SESN1: variants seen among roughly 807,000 people sequenced by gnomAD.
SESN1 encodes the protein sestrin 1, also known as sestrin-1.
Under a neutral mutation model 59.3 loss-of-function variants are expected in SESN1, and 30 were observed. The observed-to-expected ratio is 0.51, with a 90% CI of 0.38 to 0.69. The LOEUF (loss-of-function observed/expected upper bound fraction) is 0.69. Among genes scored for constraint, SESN1 ranks in the 30% least tolerant of loss-of-function variants. The probability of loss-of-function intolerance (pLI) is 0.00; values close to 1 mark genes in which losing one functional copy is unlikely to be tolerated. For missense variants in SESN1, 566 were observed against 673.0 expected (o/e 0.84, Z 1.76); for synonymous variants, 197 against 219.9 (o/e 0.90, Z 0.92).
At chr6:109,052,833 C>T (rs1027573244) in intron 1 of SESN1, among the ~76,000 whole-genome samples, 8 of 152,130 alleles carry the variant, frequency 5.3e-5, no homozygotes, top group African/African-American at 1.7e-4. Context: ...CTACACTCGA[C>T]AAATATTTAT....
At chr6:109,005,246 A>T (rs905740861) in intron 1 of SESN1, among the ~76,000 whole-genome samples, 1 of 152,220 alleles carries the variant, frequency 6.6e-6, no homozygotes. Context: ...TTTAGAAAAA[A>T]TGAAGCACTT....
At chr6:109,047,944 G>C (rs1780479193) in intron 1 of SESN1, among the ~76,000 whole-genome samples, 1 of 146,600 alleles carries the variant, frequency 6.8e-6, no homozygotes, top group Admixed American at 6.7e-5. Flanking sequence ...AGTACCCAGG[G>C]ACACAAACAC....
At chr6:108,989,910 G>A (rs1465112471) in intron 8 of SESN1, among the ~76,000 whole-genome samples, 1 of 152,174 alleles carries the variant, frequency 6.6e-6, no homozygotes, top group Non-Finnish European at 1.5e-5. Context: ...TACCACCATT[G>A]AGGAGGCTAA....
chr6:109,037,057 T>C (rs1780260813), intron 1 of SESN1, among the ~76,000 whole-genome samples: 1 of 152,188 alleles, frequency 6.6e-6, no homozygotes, highest in Non-Finnish European at 1.5e-5. Context: ...AAAATATAGC[T>C]GTTATATTCC....
intron 1 of SESN1, among the ~76,000 whole-genome samples, chr6:109,012,244 C>CTT (rs1050059466): frequency 3.6e-5 from 5 of 138,936 alleles, no homozygotes; most frequent in Non-Finnish European, 6.3e-5. Context: ...TTTGATATTT[C>CTT]TTTTTTTTTT....
intron 1 of SESN1, among the ~76,000 whole-genome samples, chr6:109,048,902 G>C (rs972581406): frequency 9.2e-5 from 14 of 152,162 alleles, no homozygotes. Flanking sequence ...GCTATAAAAA[G>C]TGACGGGATG....
rs144716308 is a variant in SESN1 at position 109,048,367 on chromosome 6, A to G, written c.279+45428T>C. On this transcript the variant is annotated intron_variant, in intron 1 of 9. Transcript: ENST00000436639. ...GTTTACTTGTCTTGAGATCTGCACC[A>G]CAGTATTGCACCGTGGGTTTAGTTA... Among the ~76,000 whole-genome samples the G allele has an allele frequency of 1.1e-3, 160 of 152,284 alleles. 1 individual carries two copies. The highest frequency in any genetic ancestry group is 3.5e-3 in the African/African-American group (145 of 41,554).
At chr6:109,081,929 C>A (rs545380022) in intron 1 of SESN1, among the ~76,000 whole-genome samples, 2 of 152,270 alleles carry the variant, frequency 1.3e-5, no homozygotes, top group South Asian at 4.1e-4. Flanking sequence ...CCTCATTAAA[C>A]CGTCAAGGAA....
intron 1 of SESN1, among the ~76,000 whole-genome samples, chr6:109,075,402 G>A (rs114485547): frequency 1.4e-3 from 214 of 152,282 alleles, no homozygotes; most frequent in African/African-American, 4.8e-3. Flanking sequence ...GTTATGGGAT[G>A]TTTTTTCCAA....
chr6:109,064,238 A>G (rs1229213961), intron 1 of SESN1, among the ~76,000 whole-genome samples: 1 of 151,954 alleles, frequency 6.6e-6, no homozygotes, highest in African/African-American at 2.4e-5. Flanking sequence ...TCAAACAGCT[A>G]TACCCTTATG....
intron 7 of SESN1, among the ~76,000 whole-genome samples, chr6:108,992,534 T>C (rs1186375798): frequency 1.3e-5 from 2 of 152,198 alleles, no homozygotes; most frequent in African/African-American, 4.8e-5. Context: ...GCTGGGAGTA[T>C]CAACTCATCT....
At position 109,054,252 on chromosome 6, in the gene SESN1, G is replaced by A. The variant is rs115703887; in HGVS notation, c.279+39543C>T. Among the ~76,000 whole-genome samples, 1,307 of 152,090 alleles carry A rather than the reference G, an allele frequency of 8.6e-3. 27 individuals carry two copies. The highest frequency in any genetic ancestry group is 0.03 in the African/African-American group (1,257 of 41,500). ...GATGGAATAGAACTTAAATGTCATA[G>A]ATCTTAAGAATATTAAAATAATAAC... On this transcript the variant is annotated intron_variant, in intron 1 of 9. Coordinates refer to ENST00000436639, the MANE Select transcript of SESN1 (RefSeq NM_014454.3).
intron 1 of SESN1, among the ~76,000 whole-genome samples, chr6:109,090,928 C>A (rs890304650): frequency 1.3e-5 from 2 of 152,084 alleles, no homozygotes; most frequent in African/African-American, 4.8e-5. Context: ...CTCCACTGCA[C>A]CCAGCTAATT....
chr6:109,057,807 A>T (rs546982486), intron 1 of SESN1, among the ~76,000 whole-genome samples: 1 of 152,304 alleles, frequency 6.6e-6, no homozygotes, highest in Admixed American at 6.5e-5. Context: ...CTACACCCCA[A>T]AACACAAAGA....
chr6:109,093,961 T>C lies in SESN1; in HGVS notation c.113A>G (p.Tyr38Cys), dbSNP rs1781404348. 1.9e-6 allele frequency: 3 copies of C among 1,614,102 alleles called. No individual in the cohort carries two copies. The highest frequency in any genetic ancestry group is 2.2e-5 in the East Asian group (1 of 44,898). The change falls in exon 1 of 10, where the codon TAT becomes TGT. Residue 38 changes from tyrosine to cysteine, a missense_variant. Coordinates refer to ENST00000436639, the MANE Select transcript of SESN1 (RefSeq NM_014454.3). ...AGGTGTTTCTTTCACCGAACGAAGA[T>C]ACTCGGTTTTCCTCAAAATGGTTTG... Reference protein sequence around the residue: ...IRQTILRKTEYLRSVKETPHR... With the variant: ...IRQTILRKTECLRSVKETPHR...
Position 109,093,504 on chromosome 6 carries a change from G to A in SESN1, c.279+291C>T, listed in dbSNP as rs188579813. On this transcript the variant is annotated intron_variant, in intron 1 of 9. Coordinates refer to ENST00000436639, the MANE Select transcript of SESN1 (RefSeq NM_014454.3). ...TACACTCAGAACACTGTGACAATGT[G>A]AAAAAAAAACACTGGCTACATTTTC... is the stretch of plus-strand genomic sequence containing the variant. Among the ~76,000 whole-genome samples, 1,251 of 148,456 alleles carry A rather than the reference G, an allele frequency of 8.4e-3. 24 individuals carry two copies. The highest frequency in any genetic ancestry group is 0.03 in the African/African-American group (1,202 of 40,532).
chr6:108,994,735 C>T (rs1212692045), intron 5 of SESN1, 126 bp from the exon 6 acceptor site: 2 of 804,900 alleles, frequency 2.5e-6, no homozygotes, highest in East Asian at 3.9e-5. Flanking sequence ...CAGAGTCTTG[C>T]TCTGTTGCCC....
chr6:109,084,544 A>C (rs547730335), intron 1 of SESN1, among the ~76,000 whole-genome samples: 1 of 152,288 alleles, frequency 6.6e-6, no homozygotes, highest in East Asian at 1.9e-4. Context: ...CAAGAGCAAC[A>C]GTCGGTCTCA....
chr6:108,994,457 C>T lies in SESN1; in HGVS notation c.1120+5G>A. 1 of 1,608,102 alleles carries T rather than the reference C, an allele frequency of 6.2e-7. No homozygotes were observed. Among genetic ancestry groups the T allele is most frequent in the Non-Finnish European group, 8.5e-7 (1 of 1,177,004 alleles). On this transcript the variant is annotated splice_donor_5th_base_variant and intron_variant, in intron 6 of 9. Coordinates refer to ENST00000436639, the MANE Select transcript of SESN1 (RefSeq NM_014454.3). ...TTATATTGACTATATAATGGTTGTT[C>T]TTACCTGAAGAGAAGACAAACATAC... is the stretch of plus-strand genomic sequence containing the variant.
Sources: gnomAD v4.1 joint callset for allele counts (sites outside exome capture counted in the v4.1 genomes callset) on GRCh38, gnomAD v4.1.1 for gene constraint, MANE v1.5 for transcripts, NCBI Gene and HGNC (gene_info 2026-07-23, HGNC 2026-07-21) for gene names.